Variants in SAMSN1 observed in about 807,000 individuals in gnomAD.
SAMSN1 encodes the protein SAM domain-containing protein SAMSN-1.
Under a neutral mutation model 42.0 loss-of-function variants are expected in SAMSN1, and 31 were observed. The observed-to-expected ratio is 0.74, with a 90% CI of 0.55 to 1.00. The LOEUF (loss-of-function observed/expected upper bound fraction) is 1.00, where lower values mean the gene tolerates loss of function less well. Ranked by LOEUF, SAMSN1 falls within the 50% of genes least tolerant of loss-of-function variation. SAMSN1 has a pLI of 0.00. For synonymous variants in SAMSN1, 178 were observed against 151.9 expected (o/e 1.17, Z -1.26); for missense variants, 464 against 439.4 (o/e 1.06, Z -0.50).
upstream of SAMSN1, chr21:14,583,742 A>G (rs1418097074): frequency 8.4e-6 from 6 of 717,738 alleles, no homozygotes; most frequent in Middle Eastern, 2.3e-4. Context: ...TAATGTCCCC[A>G]TTGATTCCAC....
intron 3 of SAMSN1, among the ~76,000 whole-genome samples, chr21:14,613,707 T>C (rs1160101681): frequency 6.6e-6 from 1 of 152,098 alleles, no homozygotes; most frequent in Non-Finnish European, 1.5e-5. Context: ...TTTATAATAT[T>C]GTAAAGTGAG....
intron 6 of SAMSN1, among the ~76,000 whole-genome samples, chr21:14,600,505 A>G (rs1229199175): frequency 1.3e-5 from 2 of 152,192 alleles, no homozygotes; most frequent in African/African-American, 4.8e-5. Context: ...ACTACATGTC[A>G]CAGTTGAATG....
intron 7 of SAMSN1, among the ~76,000 whole-genome samples, chr21:14,489,981 T>C (rs977597967): frequency 6.6e-6 from 1 of 152,166 alleles, no homozygotes; most frequent in African/African-American, 2.4e-5. Context: ...GGATCCTTAT[T>C]CTGGGAAAAA....
chr21:14,565,299 A>C (rs954047385), intron 2 of SAMSN1, among the ~76,000 whole-genome samples: 1 of 151,618 alleles, frequency 6.6e-6, no homozygotes, highest in African/African-American at 2.4e-5. Flanking sequence ...AAAAAAAAAA[A>C]AAAACATGTT....
chr21:14,512,694 A>T (rs966140244), intron 3 of SAMSN1, 121 bp from the exon 4 acceptor site: 8 of 914,730 alleles, frequency 8.7e-6, no homozygotes, highest in Non-Finnish European at 1.3e-5. Flanking sequence ...ACATAAGGAT[A>T]AAATACAAAA....
chr21:14,602,421 A>T (rs998647963), intron 5 of SAMSN1, among the ~76,000 whole-genome samples: 16 of 152,124 alleles, frequency 1.1e-4, no homozygotes, highest in African/African-American at 3.9e-4. Flanking sequence ...TAACTTCAAC[A>T]TGCTATGACT....
chr21:14,548,534 C>T (rs1980502240), upstream of SAMSN1, among the ~76,000 whole-genome samples: 1 of 152,010 alleles, frequency 6.6e-6, no homozygotes, highest in South Asian at 2.1e-4. Flanking sequence ...AGGCACTTCA[C>T]CATCTTTAAC....
In SAMSN1 at chr21:14,498,312, A is replaced by G. The variant is rs1002315440; in HGVS notation, c.919+130T>C. On this transcript the variant is annotated intron_variant, in intron 7 of 7. Coordinates refer to ENST00000400566, the MANE Select transcript of SAMSN1 (RefSeq NM_022136.5). ...GTTATTGTTTTCAAACTTATATGAA[A>G]ATACCTATTTTATGGGAAAGCGTGC... 18 of 742,720 alleles carry G rather than the reference A, an allele frequency of 2.4e-5. No individual in the cohort carries two copies. The Admixed American group carries it at 5.3e-4, about 22-fold the overall frequency. 46.0% of individuals were successfully genotyped at this position (742,720 alleles called of 1,614,324 possible). A position where few individuals can be genotyped will look rare whatever the true frequency, so the allele number is the denominator to read the frequency against.
intron 7 of SAMSN1, among the ~76,000 whole-genome samples, chr21:14,488,931 G>A (rs895827699): frequency 6.6e-6 from 1 of 152,096 alleles, no homozygotes; most frequent in African/African-American, 2.4e-5. Flanking sequence ...GTTATATTAC[G>A]GAGATGAAAG....
intron 6 of SAMSN1, among the ~76,000 whole-genome samples, chr21:14,596,018 G>A (rs1982250686): frequency 6.6e-6 from 1 of 152,138 alleles, no homozygotes; most frequent in Non-Finnish European, 1.5e-5. Flanking sequence ...TACATTTATG[G>A]AGTTCATTCA....
At chr21:14,517,758 C>A (rs560578990) in intron 2 of SAMSN1, among the ~76,000 whole-genome samples, 276 of 152,158 alleles carry the variant, frequency 1.8e-3, no homozygotes, top group Admixed American at 4.9e-3. Flanking sequence ...CTGTTCACAG[C>A]CACAAGACTC....
At chr21:14,525,760 C>A (rs1978807487) in intron 1 of SAMSN1, among the ~76,000 whole-genome samples, 1 of 152,136 alleles carries the variant, frequency 6.6e-6, no homozygotes, top group Non-Finnish European at 1.5e-5. Context: ...TCTAATTTTA[C>A]ATATATTTAA....
chr21:14,503,988 GAT>G (rs1987288866), intron 5 of SAMSN1, among the ~76,000 whole-genome samples: 1 of 152,144 alleles, frequency 6.6e-6, no homozygotes, highest in African/African-American at 2.4e-5. Context: ...TGGGTGGCTA[GAT>G]GTAGAAGACA....
upstream of SAMSN1, among the ~76,000 whole-genome samples, chr21:14,587,798 A>G (rs1465059353): frequency 1.3e-5 from 2 of 150,954 alleles, no homozygotes; most frequent in Non-Finnish European, 3.0e-5. Flanking sequence ...TTTAAGTTTT[A>G]GGGTACATGT....
chr21:14,555,953 A>G (rs1488622529), intron 2 of SAMSN1, among the ~76,000 whole-genome samples: 3 of 152,164 alleles, frequency 2.0e-5, no homozygotes, highest in Non-Finnish European at 4.4e-5. Context: ...TGCCTGCTTA[A>G]TTCATACTTT....
chr21:14,505,860 T>C (rs575891830), intron 5 of SAMSN1, among the ~76,000 whole-genome samples: 1 of 152,140 alleles, frequency 6.6e-6, no homozygotes, highest in Admixed American at 6.5e-5. Flanking sequence ...ATAAAATGAA[T>C]CTCAATAAAT....
chr21:14,519,339 C>T (rs1978324572), intron 2 of SAMSN1, among the ~76,000 whole-genome samples: 1 of 152,058 alleles, frequency 6.6e-6, no homozygotes, highest in Admixed American at 6.5e-5. Context: ...CCATTATTAA[C>T]CAATGAACCT....
Position 14,485,898 on chromosome 21 carries a change from T to G in SAMSN1, c.*14A>C. The G allele has an allele frequency of 6.9e-6, 11 of 1,604,498 alleles. No individual in the cohort carries two copies. The highest frequency in any genetic ancestry group is 9.4e-6 in the Non-Finnish European group (11 of 1,171,834). On this transcript the variant is annotated 3_prime_UTR_variant, in exon 8 of 8. Transcript: ENST00000400566. ...ATGGAATGCATCTGTAGATATATAGTTGGGAATGCGTGTTCAGTCACTTGG... is the reference window on the plus strand; with the variant it reads ...ATGGAATGCATCTGTAGATATATAGGTGGGAATGCGTGTTCAGTCACTTGG...
chr21:14,644,307 T>C (rs1014153853), intron 1 of SAMSN1, among the ~76,000 whole-genome samples: 12 of 151,326 alleles, frequency 7.9e-5, no homozygotes, highest in Admixed American at 2.6e-4. Context: ...GAGGCCTTTG[T>C]CTTGCATCGA....
Sources: gnomAD v4.1 joint callset for allele counts (sites outside exome capture counted in the v4.1 genomes callset) on GRCh38, gnomAD v4.1.1 for gene constraint, MANE v1.5 for transcripts, NCBI Gene and HGNC (gene_info 2026-07-23, HGNC 2026-07-21) for gene names.